The following FHIT variants were observed in gnomAD, a reference collection of about 807,000 sequenced individuals.
FHIT encodes bis(5'-adenosyl)-triphosphatase.
In FHIT, 19 loss-of-function variants were observed where a neutral mutation model predicts 17.9. The ratio of observed to expected loss-of-function variants is 1.06; its 90% CI spans 0.74 to 1.56. The LOEUF (loss-of-function observed/expected upper bound fraction) is 1.56, where lower values mean the gene tolerates loss of function less well. Ranked by LOEUF, FHIT falls within the 40% of genes most tolerant of loss-of-function variation. The probability of loss-of-function intolerance (pLI) is 0.00; values close to 1 mark genes in which losing one functional copy is unlikely to be tolerated. For synonymous variants in FHIT, 81 were observed against 69.7 expected (o/e 1.16, Z -0.81); for missense variants, 248 against 189.2 (o/e 1.31, Z -1.82).
chr3:60,031,624 T>C (rs985911668), intron 5 of FHIT, among the ~76,000 whole-genome samples: 4 of 152,218 alleles, frequency 2.6e-5, no homozygotes, highest in Non-Finnish European at 5.9e-5. Context: ...GCACCAATGA[T>C]GGACAATTCT....
At chr3:59,783,805 A>G (rs1702715589) in intron 8 of FHIT, among the ~76,000 whole-genome samples, 1 of 152,124 alleles carries the variant, frequency 6.6e-6, no homozygotes, top group African/African-American at 2.4e-5. Context: ...CACCAGTGAA[A>G]AACCAATGTC....
intron 5 of FHIT, among the ~76,000 whole-genome samples, chr3:60,204,444 G>GTTT (rs56126245): frequency 7.0e-5 from 8 of 114,990 alleles, no homozygotes; most frequent in Non-Finnish European, 9.5e-5. Context: ...TAATATTCTG[G>GTTT]TTTTTTTTTT....
intron 3 of FHIT, among the ~76,000 whole-genome samples, chr3:60,946,135 C>T (rs566296974): frequency 2.0e-5 from 3 of 152,130 alleles, no homozygotes; most frequent in Admixed American, 6.5e-5. Flanking sequence ...AGGAGGATGA[C>T]GGATTGTACA....
chr3:60,175,545 A>G (rs1336514889), intron 5 of FHIT, among the ~76,000 whole-genome samples: 2 of 152,238 alleles, frequency 1.3e-5, no homozygotes, highest in Non-Finnish European at 2.9e-5. Flanking sequence ...TTTACTCAAC[A>G]TAATGACTCT....
chr3:60,070,848 A>G (rs1177123168), intron 5 of FHIT, among the ~76,000 whole-genome samples: 2 of 152,156 alleles, frequency 1.3e-5, no homozygotes, highest in Non-Finnish European at 2.9e-5. Flanking sequence ...GTTGGATGGC[A>G]TTTGTCTTAC....
intron 5 of FHIT, among the ~76,000 whole-genome samples, chr3:60,274,525 G>A (rs892117500): frequency 6.6e-6 from 1 of 152,126 alleles, no homozygotes; most frequent in African/African-American, 2.4e-5. Context: ...TTGCACATTT[G>A]AGAATATGTG....
chr3:60,677,567 G>A (rs1464998516), intron 4 of FHIT, among the ~76,000 whole-genome samples: 3 of 151,972 alleles, frequency 2.0e-5, no homozygotes, highest in African/African-American at 7.3e-5. Flanking sequence ...TGTGCTGTAT[G>A]TATATATGTG....
At chr3:59,959,028 T>C (rs1401966897) in intron 7 of FHIT, among the ~76,000 whole-genome samples, 1 of 152,180 alleles carries the variant, frequency 6.6e-6, no homozygotes, top group Admixed American at 6.5e-5. Flanking sequence ...AGATCACTGC[T>C]GGAGACCCAC....
intron 4 of FHIT, among the ~76,000 whole-genome samples, chr3:60,556,482 T>A (rs1385219180): frequency 1.3e-5 from 2 of 152,216 alleles, no homozygotes; most frequent in East Asian, 3.9e-4. Flanking sequence ...ATTGGTTGAA[T>A]ACTTCTAAAT....
intron 5 of FHIT, among the ~76,000 whole-genome samples, chr3:60,248,267 CA>C: frequency 6.6e-6 from 1 of 152,152 alleles, no homozygotes; most frequent in Non-Finnish European, 1.5e-5. Context: ...AATTTGTTTT[CA>C]GAAATAATAT....
At chr3:60,634,658 C>T (rs1316021815) in intron 4 of FHIT, among the ~76,000 whole-genome samples, 2 of 152,168 alleles carry the variant, frequency 1.3e-5, no homozygotes, top group African/African-American at 4.8e-5. Flanking sequence ...TCCTCTGATG[C>T]TGCAGACGAG....
intron 7 of FHIT, among the ~76,000 whole-genome samples, chr3:59,939,265 G>A (rs752627771): frequency 6.6e-6 from 1 of 152,128 alleles, no homozygotes; most frequent in Non-Finnish European, 1.5e-5. Flanking sequence ...AGTGCAGAAT[G>A]GAACCCTTCC....
chr3:60,995,188 G>A (rs1470478192), intron 3 of FHIT, among the ~76,000 whole-genome samples: 1 of 152,024 alleles, frequency 6.6e-6, no homozygotes, highest in Non-Finnish European at 1.5e-5. Flanking sequence ...GGGCGTGGTG[G>A]CAGGCGCCTG....
intron 5 of FHIT, among the ~76,000 whole-genome samples, chr3:60,079,840 G>A (rs2736776): frequency 0.072 from 10,908 of 151,920 alleles, 425 homozygotes; most frequent in South Asian, 0.094. Flanking sequence ...AGGGAAGGGG[G>A]TGCATTCTTA....
chr3:59,966,837 G>C (rs1013238131), intron 7 of FHIT, among the ~76,000 whole-genome samples: 1 of 151,996 alleles, frequency 6.6e-6, no homozygotes, highest in Non-Finnish European at 1.5e-5. Context: ...GTATACTTAG[G>C]CTATACTAAA....
chr3:60,709,066 AT>A (rs2041448957), intron 4 of FHIT, among the ~76,000 whole-genome samples: 1 of 152,140 alleles, frequency 6.6e-6, no homozygotes. Flanking sequence ...CTCAGGATCC[AT>A]TTCCACTCCT....
chr3:60,849,441 A>AATATATATATATATATATATATATATAT lies in FHIT; in HGVS notation c.-110-27431_-110-27430insATATATATATATATATATATATATATAT, dbSNP rs10662932. Among the ~76,000 whole-genome samples the AATATATATATATATATATATATATATAT allele has an allele frequency of 4.3e-3, 584 of 137,230 alleles. 2 individuals are homozygous for AATATATATATATATATATATATATATAT. The highest frequency in any genetic ancestry group is 8.2e-3 in the African/African-American group (298 of 36,184). 90.0% of individuals were successfully genotyped at this position (137,230 alleles called of 152,430 possible). A position where few individuals can be genotyped will look rare whatever the true frequency, so the allele number is the denominator to read the frequency against. ...AGGACTTTTGTTAATACAAAAATGA[A>AATATATATATATATATATATATATATAT]ATATATATATATATATATATATAAA... is the stretch of plus-strand genomic sequence containing the variant. On this transcript the variant is annotated intron_variant, in intron 3 of 9. Transcript: ENST00000492590.
chr3:60,430,835 T>G lies in FHIT; in HGVS notation c.103+106025A>C, dbSNP rs114362894. 5.3e-3 allele frequency among the ~76,000 whole-genome samples: 809 copies of G among 152,216 alleles called. 9 individuals carry two copies. Among genetic ancestry groups the G allele is most frequent in the African/African-American group, 0.019 (778 of 41,560 alleles). ...TCCAGCAGTTTTCATTCCTTGAGATTAAGCCAATAGTTGCAAGGGTGGTGA... is the reference window on the plus strand; with the variant it reads ...TCCAGCAGTTTTCATTCCTTGAGATGAAGCCAATAGTTGCAAGGGTGGTGA... On this transcript the variant is annotated intron_variant, in intron 5 of 9. Transcript: ENST00000492590.
chr3:61,006,566 A>C (rs572438801), intron 3 of FHIT, among the ~76,000 whole-genome samples: 1 of 151,612 alleles, frequency 6.6e-6, no homozygotes, highest in African/African-American at 2.4e-5. Flanking sequence ...AATCAAAAGA[A>C]GGCACCAAAA....
Sources: allele counts gnomAD v4.1 joint callset (sites outside exome capture counted in the v4.1 genomes callset), GRCh38; gene constraint gnomAD v4.1.1; transcripts MANE v1.5; gene names NCBI Gene and HGNC (gene_info 2026-07-23, HGNC 2026-07-21).